The following KCNMA1 variants were observed in gnomAD, a reference collection of about 807,000 sequenced individuals.
KCNMA1 encodes Calcium-activated potassium channel subunit alpha-1.
In KCNMA1, 29 loss-of-function variants were observed where a neutral mutation model predicts 140.0. That is an observed-to-expected ratio of 0.21 (90% confidence interval 0.15 to 0.28). The LOEUF (loss-of-function observed/expected upper bound fraction) is 0.28. Ranked by LOEUF, KCNMA1 falls within the 10% of genes least tolerant of loss-of-function variation. The pLI is 1.00. For missense variants in KCNMA1, 880 were observed against 1,602.2 expected, an observed-to-expected ratio of 0.55 and a Z score of 7.70; for synonymous variants, 612 against 611.9, an observed-to-expected ratio of 1.00 and a Z score of 0.00.
chr10:77,491,586 G>C (rs770241013), intron 1 of KCNMA1, among the ~76,000 whole-genome samples: 1 of 152,198 alleles, frequency 6.6e-6, no homozygotes, highest in Non-Finnish European at 1.5e-5. Context: ...ACTGCAGGAT[G>C]AAAGAGGGCA....
intron 2 of KCNMA1, among the ~76,000 whole-genome samples, chr10:77,265,020 A>T (rs1652203208): frequency 6.6e-6 from 1 of 152,106 alleles, no homozygotes; most frequent in Non-Finnish European, 1.5e-5. Flanking sequence ...GCAGGATGCC[A>T]GAAGCCAGAT....
chr10:76,992,951 C>T (rs1316872530), intron 19 of KCNMA1, among the ~76,000 whole-genome samples: 1 of 152,134 alleles, frequency 6.6e-6, no homozygotes, highest in African/African-American at 2.4e-5. Flanking sequence ...ATTATTTTCC[C>T]CCCATCGATG....
intron 12 of KCNMA1, 161 bp from the exon 13 acceptor site, chr10:77,079,711 C>T: frequency 1.5e-6 from 1 of 670,108 alleles, no homozygotes; most frequent in Non-Finnish European, 2.7e-6. Flanking sequence ...AAATTGAAGA[C>T]TAGCTGAAAC....
intron 2 of KCNMA1, among the ~76,000 whole-genome samples, chr10:77,308,446 C>T (rs534623331): frequency 2.1e-4 from 32 of 152,284 alleles, no homozygotes; most frequent in African/African-American, 7.7e-4. Context: ...GGAGGGAAAG[C>T]CCCTGCTCTC....
chr10:77,364,254 C>T (rs898079375), intron 2 of KCNMA1, among the ~76,000 whole-genome samples: 1 of 152,080 alleles, frequency 6.6e-6, no homozygotes, highest in African/African-American at 2.4e-5. Flanking sequence ...AGTTCAAGAC[C>T]AGCCTGGCCA....
rs75843969 is a variant in KCNMA1, at chr10:76,887,273, C to T, written c.3704G>A (p.Arg1235Gln). 86 of 1,613,938 alleles carry T rather than the reference C, an allele frequency of 5.3e-5. No homozygotes were observed. In the Admixed American group the frequency reaches 1.3e-3, roughly 24 times the overall value. ...TGGCGGTGGATACACATATCAAAGC[C>T]GCTCTTCCTGCACGTACTTCTGTTT... ...RDKQKYVQEE[R>Q]L is the part of the protein sequence containing the mutation. Residue 1235 changes from arginine (R) to glutamine (Q), a missense_variant, in exon 28 of 28, where the codon CGG becomes CAG. Physicochemically the swap from Arg to Gln is conservative, Grantham distance 43. Transcript: ENST00000286628.
At chr10:77,166,272 G>T (rs1323441549) in intron 5 of KCNMA1, among the ~76,000 whole-genome samples, 2 of 152,156 alleles carry the variant, frequency 1.3e-5, no homozygotes, top group Non-Finnish European at 2.9e-5. Context: ...GACCCAGTTT[G>T]TAAATTCGAG....
chr10:77,483,044 C>G (rs2098419672), intron 1 of KCNMA1, among the ~76,000 whole-genome samples: 1 of 143,230 alleles, frequency 7.0e-6, no homozygotes, highest in African/African-American at 2.6e-5. Flanking sequence ...ACACACACCC[C>G]TTGTTCTTCT....
At chr10:77,468,878 A>G (rs997225128) in intron 1 of KCNMA1, among the ~76,000 whole-genome samples, 1 of 152,174 alleles carries the variant, frequency 6.6e-6, no homozygotes, top group African/African-American at 2.4e-5. Flanking sequence ...TTCTTGCACT[A>G]CTTGTGATTA....
chr10:77,054,653 C>A (rs2095483088), intron 14 of KCNMA1, among the ~76,000 whole-genome samples: 1 of 152,206 alleles, frequency 6.6e-6, no homozygotes, highest in South Asian at 2.1e-4. Flanking sequence ...TTTCTCCGAA[C>A]ATGAAACCCT....
chr10:77,110,086 GTC>G, intron 8 of KCNMA1, 85 bp downstream of exon 8: 1 of 1,190,590 alleles, frequency 8.4e-7, no homozygotes, highest in Non-Finnish European at 1.3e-6. Flanking sequence ...GCAGAATACA[GTC>G]TAAAATACAA....
intron 1 of KCNMA1, among the ~76,000 whole-genome samples, chr10:77,631,106 CAAAAAAAAAA>C (rs397944676): frequency 6.5e-5 from 4 of 61,312 alleles, no homozygotes; most frequent in South Asian, 6.8e-4. Context: ...GACCCTGTCC[CAAAAAAAAAA>C]AAAAAAAAAA....
chr10:76,969,874 T>C, intron 20 of KCNMA1, 100 bp downstream of exon 20: 1 of 899,532 alleles, frequency 1.1e-6, no homozygotes, highest in Non-Finnish European at 1.9e-6. Context: ...CCGGGCTTGC[T>C]GGGGAGGGGA....
intron 9 of KCNMA1, among the ~76,000 whole-genome samples, chr10:77,097,138 G>A (rs2096953809): frequency 6.6e-6 from 1 of 152,108 alleles, no homozygotes; most frequent in Admixed American, 6.6e-5. Context: ...CTTCTCACCT[G>A]GTAGTGCTTT....
In KCNMA1 at chr10:77,039,656, T is replaced by C. The variant is rs372888150; in HGVS notation, c.1750-19A>G. Reference sequence around the variant, plus strand: ...CCTCAATCTAAAGGAAAGGAACACATGCGGAGAGTTTAAAATATGACGGTG... The same window carrying C: ...CCTCAATCTAAAGGAAAGGAACACACGCGGAGAGTTTAAAATATGACGGTG... On this transcript the variant is annotated intron_variant, in intron 14 of 27. Coordinates refer to ENST00000286628, the MANE Select transcript of KCNMA1 (RefSeq NM_001161352.2). 3.4e-6 allele frequency: 5 copies of C among 1,464,218 alleles called. No homozygotes were observed. Among genetic ancestry groups the C allele is most frequent in the East Asian group, 2.3e-5 (1 of 44,098 alleles). The allele number at this position is 1,464,218 out of a possible 1,614,324, so 90.7% of individuals were successfully genotyped here. A position where few individuals can be genotyped will look rare whatever the true frequency, so the allele number is the denominator to read the frequency against.
chr10:77,042,751 G>A (rs79168105), intron 14 of KCNMA1, among the ~76,000 whole-genome samples: 1 of 152,050 alleles, frequency 6.6e-6, no homozygotes, highest in Non-Finnish European at 1.5e-5. Context: ...TTTATTGTAG[G>A]TGAATCACTA....
Position 77,382,166 on chromosome 10 carries a change from C to T in KCNMA1, c.540+21696G>A, listed in dbSNP as rs374917103. On this transcript the variant is annotated intron_variant, in intron 2 of 27. Transcript: ENST00000286628. Reference sequence around the variant, plus strand: ...CTTTGGGGTAATTTCTCTGCACCACCGAGTAAGCCTTCTGCCTGCTGGAGG... The same window carrying T: ...CTTTGGGGTAATTTCTCTGCACCACTGAGTAAGCCTTCTGCCTGCTGGAGG... 4.1e-4 allele frequency among the ~76,000 whole-genome samples: 63 copies of T among 152,186 alleles called. 2 individuals carry two copies. The South Asian group carries it at 0.012, about 30-fold the overall frequency.
At chr10:76,996,643 G>A (rs1003781407) in intron 19 of KCNMA1, among the ~76,000 whole-genome samples, 4 of 152,106 alleles carry the variant, frequency 2.6e-5, no homozygotes, top group Admixed American at 2.6e-4. Context: ...CATCAGCACG[G>A]CAAGCATGGG....
chr10:77,132,397 C>T (rs2097882523), intron 5 of KCNMA1, among the ~76,000 whole-genome samples: 1 of 151,440 alleles, frequency 6.6e-6, no homozygotes, highest in African/African-American at 2.4e-5. Flanking sequence ...AATTGAGCTG[C>T]CAGAAGGAAA....
Sources: allele counts gnomAD v4.1 joint callset (sites outside exome capture counted in the v4.1 genomes callset), GRCh38; gene constraint gnomAD v4.1.1; transcripts MANE v1.5; gene names NCBI Gene and HGNC (gene_info 2026-07-23, HGNC 2026-07-21).